The following HPCAL1 variants were observed in gnomAD, a reference collection of about 807,000 sequenced individuals.
The protein encoded by HPCAL1 is hippocalcin like 1.
In HPCAL1, 8 loss-of-function variants were observed where a neutral mutation model predicts 17.1. The observed-to-expected ratio is 0.47, with a 90% CI of 0.27 to 0.84. The LOEUF is 0.84. Among genes scored for constraint, HPCAL1 ranks in the 40% least tolerant of loss-of-function variants. HPCAL1 has a pLI of 0.13. For missense variants in HPCAL1, 165 were observed against 271.1 expected (o/e 0.61, Z 2.75); for synonymous variants, 112 against 111.4 (o/e 1.01, Z -0.03).
chr2:10,418,715 C>T (rs1187469373), intron 2 of HPCAL1, among the ~76,000 whole-genome samples: 1 of 152,134 alleles, frequency 6.6e-6, no homozygotes, highest in Non-Finnish European at 1.5e-5. Flanking sequence ...TGAGGTGGTG[C>T]AGTGGCAGCC....
intron 1 of HPCAL1, among the ~76,000 whole-genome samples, chr2:10,324,652 G>A (rs1001894282): frequency 4.6e-5 from 7 of 151,720 alleles, no homozygotes; most frequent in African/African-American, 1.7e-4. Flanking sequence ...CTGCCTTACC[G>A]GTTCTAGCAG....
intron 1 of HPCAL1, among the ~76,000 whole-genome samples, chr2:10,392,956 C>T (rs570427262): frequency 6.6e-6 from 1 of 152,222 alleles, no homozygotes; most frequent in Admixed American, 6.5e-5. Flanking sequence ...ATCTTCTAAC[C>T]TCCTCTCCCA....
In HPCAL1 at chr2:10,342,428, C is replaced by T. The variant is rs1046544998; in HGVS notation, c.-111+39251C>T. On this transcript the variant is annotated intron_variant, in intron 1 of 4. Transcript: ENST00000307845. This position sits in a 1 kb window ranked among gnomAD's most constrained non-coding sequence, Gnocchi z 4.1. Reference sequence around the variant, plus strand: ...CTGGGATATAGCCACATGTGCAGTCCGTGCCTCCAGCGCGCAGCCTGAAAG... The same window carrying T: ...CTGGGATATAGCCACATGTGCAGTCTGTGCCTCCAGCGCGCAGCCTGAAAG... 1.3e-5 allele frequency among the ~76,000 whole-genome samples: 2 copies of T among 148,256 alleles called. No homozygotes were observed. The highest frequency in any genetic ancestry group is 4.9e-5 in the African/African-American group (2 of 40,716).
At chr2:10,307,843 C>A (rs1384912155) in intron 1 of HPCAL1, among the ~76,000 whole-genome samples, 1 of 152,212 alleles carries the variant, frequency 6.6e-6, no homozygotes, top group Non-Finnish European at 1.5e-5. Context: ...GCAGCACTTC[C>A]CAGTTTAAAA....
intron 1 of HPCAL1, among the ~76,000 whole-genome samples, chr2:10,322,635 T>C (rs1390152646): frequency 2.0e-5 from 3 of 152,190 alleles, no homozygotes; most frequent in Non-Finnish European, 2.9e-5. Flanking sequence ...TTTTGACCCA[T>C]GCATCTTCTT....
chr2:10,399,760 G>A (rs1476273178), intron 2 of HPCAL1, among the ~76,000 whole-genome samples: 1 of 152,180 alleles, frequency 6.6e-6, no homozygotes, highest in Non-Finnish European at 1.5e-5. Flanking sequence ...TCCCCGGGCA[G>A]TGGAGAAGCA....
chr2:10,325,679 GAACTGCTA>G (rs1404722824), intron 1 of HPCAL1, among the ~76,000 whole-genome samples: 1 of 151,950 alleles, frequency 6.6e-6, no homozygotes, highest in African/African-American at 2.4e-5. Context: ...CCTGCAGAGG[GAACTGCTA>G]ATGCAGTCAT....
intron 1 of HPCAL1, among the ~76,000 whole-genome samples, chr2:10,351,187 A>G (rs923539554): frequency 6.6e-6 from 1 of 152,264 alleles, no homozygotes; most frequent in Non-Finnish European, 1.5e-5. Flanking sequence ...GATAAACAAA[A>G]TGTAGTCTAT....
Position 10,363,339 on chromosome 2 carries a change from G to A in HPCAL1, c.-110-33496G>A, listed in dbSNP as rs1666636961. Among the ~76,000 whole-genome samples the A allele has an allele frequency of 6.6e-6, 1 of 152,138 alleles. No individual in the cohort carries two copies. The highest frequency in any genetic ancestry group is 2.1e-4 in the South Asian group (1 of 4,826). ...CCTGGAGCTCCACGGTGTGACAGGT[G>A]GGCAGGAGCTGCTGGGGGTGCTGGG... is the stretch of plus-strand genomic sequence containing the variant. On this transcript the variant is annotated intron_variant, in intron 1 of 4. Coordinates refer to ENST00000307845, the MANE Select transcript of HPCAL1 (RefSeq NM_002149.4). The surrounding 1 kb of genome is among the most constrained non-coding windows in gnomAD (Gnocchi z 4.7).
intron 1 of HPCAL1, among the ~76,000 whole-genome samples, chr2:10,385,921 C>T (rs1048364780): frequency 5.3e-5 from 8 of 152,146 alleles, no homozygotes; most frequent in Non-Finnish European, 1.0e-4. Context: ...AGCCTCTCCT[C>T]TCTGGGGGCT....
Position 10,363,575 on chromosome 2 carries a change from C to G in HPCAL1, c.-110-33260C>G, listed in dbSNP as rs1021519518. ...CTGTATTTCTGGGAAGTGTGTGACC[C>G]GAAGCCTCCTCCTGTCAGAACCACC... On this transcript the variant is annotated intron_variant, in intron 1 of 4. Coordinates refer to ENST00000307845, the MANE Select transcript of HPCAL1 (RefSeq NM_002149.4). This position sits in a 1 kb window ranked among gnomAD's most constrained non-coding sequence, Gnocchi z 4.7. 6.6e-6 allele frequency among the ~76,000 whole-genome samples: 1 copy of G among 152,142 alleles called. No individual in the cohort carries two copies. Among genetic ancestry groups the G allele is most frequent in the Admixed American group, 6.5e-5 (1 of 15,274 alleles).
intron 4 of HPCAL1, 89 bp from the exon 5 acceptor site, chr2:10,426,635 A>G: frequency 1.0e-6 from 1 of 1,001,786 alleles, no homozygotes; most frequent in East Asian, 2.4e-5. Context: ...CAAAGGGAGC[A>G]TACCTGACCT....
chr2:10,413,157 C>T (rs1670457776), intron 2 of HPCAL1, among the ~76,000 whole-genome samples: 1 of 152,166 alleles, frequency 6.6e-6, no homozygotes, highest in African/African-American at 2.4e-5. Flanking sequence ...CTGTGCTGGG[C>T]CTGGAGGCCC....
At chr2:10,324,763 G>A (rs1364137996) in intron 1 of HPCAL1, among the ~76,000 whole-genome samples, 2 of 141,876 alleles carry the variant, frequency 1.4e-5, no homozygotes, top group African/African-American at 5.3e-5. Flanking sequence ...TGGGGGTGGG[G>A]TTGTTATTGG....
At chr2:10,426,550 T>C in intron 4 of HPCAL1, 174 bp from the exon 5 acceptor site, 2 of 624,312 alleles carry the variant, frequency 3.2e-6, no homozygotes, top group South Asian at 1.9e-5. Context: ...GGAAAAAGGA[T>C]TTTTTTTCAG....
intron 1 of HPCAL1, among the ~76,000 whole-genome samples, chr2:10,319,028 G>A (rs1663504229): frequency 6.6e-6 from 1 of 152,154 alleles, no homozygotes; most frequent in African/African-American, 2.4e-5. Flanking sequence ...TGTAATAGTT[G>A]CCATTAAACC....
chr2:10,354,034 C>G lies in HPCAL1; in HGVS notation c.-110-42801C>G, dbSNP rs564528941. Reference sequence around the variant, plus strand: ...AGTACCCATATTTAGATCTTTTTTACTGTGGTTTTGTGATGTGATCTGTCA... The same window carrying G: ...AGTACCCATATTTAGATCTTTTTTAGTGTGGTTTTGTGATGTGATCTGTCA... On this transcript the variant is annotated intron_variant, in intron 1 of 4. Coordinates refer to ENST00000307845, the MANE Select transcript of HPCAL1 (RefSeq NM_002149.4). The surrounding 1 kb of genome is among the most constrained non-coding windows in gnomAD (Gnocchi z 5.1). Among the ~76,000 whole-genome samples the G allele has an allele frequency of 2.0e-5, 3 of 152,216 alleles. No individual in the cohort carries two copies. The highest frequency in any genetic ancestry group is 7.2e-5 in the African/African-American group (3 of 41,536).
chr2:10,334,319 T>TG (rs1000994009), intron 1 of HPCAL1, among the ~76,000 whole-genome samples: 3 of 139,422 alleles, frequency 2.2e-5, no homozygotes, highest in African/African-American at 7.5e-5. Flanking sequence ...CCTGTTTTGT[T>TG]TTGTTTTGTT....
chr2:10,338,419 A>G (rs1027970113), intron 1 of HPCAL1, among the ~76,000 whole-genome samples: 1 of 152,180 alleles, frequency 6.6e-6, no homozygotes, highest in Non-Finnish European at 1.5e-5. Flanking sequence ...TGGTGTTCAA[A>G]TAGATTGCAT....
Sources: gnomAD v4.1 joint callset for allele counts (sites outside exome capture counted in the v4.1 genomes callset) on GRCh38, gnomAD v4.1.1 for gene constraint, Gnocchi (gnomAD v3.1) non-coding constraint, MANE v1.5 for transcripts, NCBI Gene and HGNC (gene_info 2026-07-23, HGNC 2026-07-21) for gene names.